The following PCDHA12 variants were observed in gnomAD, a reference collection of about 807,000 sequenced individuals.
PCDHA12 encodes the protein protocadherin alpha-12.
In PCDHA12, 44 loss-of-function variants were observed where a neutral mutation model predicts 60.0. The observed-to-expected ratio is 0.73, with a 90% CI of 0.58 to 0.94. PCDHA12 has a LOEUF of 0.94. PCDHA12 is among the 40% of genes least tolerant of loss of function. The pLI is 0.00. For synonymous variants in PCDHA12, 569 were observed against 553.0 expected, an observed-to-expected ratio of 1.03 and a Z score of -0.40; for missense variants, 1,276 against 1,239.7, an observed-to-expected ratio of 1.03 and a Z score of -0.44.
intron 1 of PCDHA12, among the ~76,000 whole-genome samples, chr5:140,903,073 T>C (rs1181656778): frequency 6.6e-6 from 1 of 152,196 alleles, no homozygotes; most frequent in Admixed American, 6.5e-5. Context: ...TTTGGGTAGA[T>C]ACCTGATAGT....
chr5:141,007,174 G>T (rs926344346), intron 3 of PCDHA12, among the ~76,000 whole-genome samples: 9 of 152,118 alleles, frequency 5.9e-5, no homozygotes, highest in African/African-American at 2.2e-4. Context: ...AGAGAGAAAG[G>T]TCAGGAGAAT....
intron 1 of PCDHA12, among the ~76,000 whole-genome samples, chr5:140,950,992 G>A (rs2094539287): frequency 6.6e-6 from 1 of 151,384 alleles, no homozygotes; most frequent in Admixed American, 6.6e-5. Flanking sequence ...GCCTCTTTTA[G>A]CTCCATTTTT....
In PCDHA12 at chr5:140,876,161, T is replaced by C. The variant is rs1582262337; in HGVS notation, c.689T>C (p.Ile230Thr). The change falls in exon 1 of 4, where the codon ATA (isoleucine) becomes ACA (threonine). Residue 230 changes from isoleucine to threonine, a missense_variant. Physicochemically the swap from Ile to Thr is moderately conservative, Grantham distance 89 (BLOSUM62 -1). Transcript: ENST00000398631. ...CTAACAGGGTCTGTCCAGATTCAAATAACCGTCCTGGATGTGAATGACAAT... is the reference window on the plus strand; with the variant it reads ...CTAACAGGGTCTGTCCAGATTCAAACAACCGTCCTGGATGTGAATGACAAT... ...PELTGSVQIQ[I>T]TVLDVNDNGP... 6.2e-7 allele frequency: 1 copy of C among 1,613,960 alleles called. No homozygotes were observed. Among genetic ancestry groups the C allele is most frequent in the Non-Finnish European group, 8.5e-7 (1 of 1,179,892 alleles).
At chr5:140,909,709 A>G (rs2153511702) in intron 1 of PCDHA12, among the ~76,000 whole-genome samples, 1 of 152,294 alleles carries the variant, frequency 6.6e-6, no homozygotes, top group Non-Finnish European at 1.5e-5. Context: ...GCTGCTAAGT[A>G]TACCTATGCC....
chr5:140,969,506 G>T, intron 1 of PCDHA12: 1 of 1,427,058 alleles, frequency 7.0e-7, no homozygotes, highest in Non-Finnish European at 9.3e-7. Flanking sequence ...TAGAAAAATA[G>T]CACTAAAGAA....
chr5:140,884,334 C>T (rs1405987385), intron 1 of PCDHA12: 1 of 1,613,746 alleles, frequency 6.2e-7, no homozygotes, highest in Non-Finnish European at 8.5e-7. Context: ...GCTGTGGGTC[C>T]AGAAGCGGCG....
chr5:140,945,409 T>C (rs945280530), intron 1 of PCDHA12, among the ~76,000 whole-genome samples: 4 of 152,116 alleles, frequency 2.6e-5, no homozygotes, highest in African/African-American at 9.7e-5. Flanking sequence ...ACAATTCGTA[T>C]CAAAATTTCA....
chr5:141,003,520 C>G (rs1171208921), intron 3 of PCDHA12, among the ~76,000 whole-genome samples: 2 of 152,244 alleles, frequency 1.3e-5, no homozygotes, highest in Middle Eastern at 3.4e-3. Flanking sequence ...ACCATGTTCC[C>G]TAGGCTGGTC....
intron 3 of PCDHA12, among the ~76,000 whole-genome samples, chr5:140,990,327 A>G (rs2097387817): frequency 1.3e-5 from 2 of 152,174 alleles, no homozygotes; most frequent in African/African-American, 4.8e-5. Flanking sequence ...AACAAACTTT[A>G]AAAATAAGTA....
At chr5:140,952,257 C>T (rs1224282193) in intron 1 of PCDHA12, among the ~76,000 whole-genome samples, 1 of 151,342 alleles carries the variant, frequency 6.6e-6, no homozygotes, top group Non-Finnish European at 1.5e-5. Flanking sequence ...GGTGGATTCC[C>T]ATTCTGGGGT....
chr5:140,876,729 G>C lies in PCDHA12; in HGVS notation c.1257G>C (p.Ser419=), dbSNP rs781841207. The C allele has an allele frequency of 3.1e-6, 5 of 1,614,102 alleles. No homozygotes were observed. The East Asian group carries it at 6.7e-5, about 22-fold the overall frequency. Residue 419 remains serine (S), a synonymous_variant, in exon 1 of 4, where the codon TCG becomes TCC. Transcript: ENST00000398631. The part of the protein sequence containing the change: ...LDSALDRESV[S]AYELVVTARD... ...GCGCCCTGGACCGCGAGAGCGTGTC[G>C]GCCTATGAGCTGGTGGTGACTGCGC...
intron 1 of PCDHA12, among the ~76,000 whole-genome samples, chr5:140,898,157 G>T (rs1455235992): frequency 2.6e-5 from 4 of 152,162 alleles, no homozygotes; most frequent in African/African-American, 7.2e-5. Flanking sequence ...CACGCTGATG[G>T]TGGTTTCTTT....
At chr5:140,883,324 C>A (rs782213205) in intron 1 of PCDHA12, 1 of 1,614,166 alleles carries the variant, frequency 6.2e-7, no homozygotes, top group Non-Finnish European at 8.5e-7. Context: ...AGGTTACCAT[C>A]ACTTCTTTGT....
chr5:140,983,588 C>G (rs530448589), intron 3 of PCDHA12, among the ~76,000 whole-genome samples: 1 of 152,152 alleles, frequency 6.6e-6, no homozygotes, highest in African/African-American at 2.4e-5. Context: ...TACATCTATT[C>G]TACATATGAG....
At position 140,936,850 on chromosome 5, in the gene PCDHA12, CTTCTCAGT is replaced by C. The variant is rs1421923207; in HGVS notation, c.2368-42094_2368-42087del. Among the ~76,000 whole-genome samples the C allele has an allele frequency of 3.1e-4, 47 of 152,208 alleles. 1 individual carries two copies. Among genetic ancestry groups the C allele is most frequent in the African/African-American group, 1.1e-3 (46 of 41,532 alleles). On this transcript the variant is annotated intron_variant, in intron 1 of 3. Coordinates refer to ENST00000398631, the MANE Select transcript of PCDHA12 (RefSeq NM_018903.4). ...ATTTCTATATAAATTGTAGATTCAG[CTTCTCAGT>C]TTCTATTTTAAAAAACCCTGCTTTG... is the stretch of plus-strand genomic sequence containing the variant.
intron 1 of PCDHA12, among the ~76,000 whole-genome samples, chr5:140,947,310 A>G (rs1554218156): frequency 6.6e-6 from 1 of 151,620 alleles, no homozygotes; most frequent in Admixed American, 6.6e-5. Flanking sequence ...ATCTTTGTAA[A>G]AAGTCGGTTG....
intron 1 of PCDHA12, among the ~76,000 whole-genome samples, chr5:140,900,728 C>A (rs2068258961): frequency 1.3e-5 from 2 of 152,188 alleles, no homozygotes; most frequent in Non-Finnish European, 2.9e-5. Flanking sequence ...TCCTACCTAG[C>A]AGTGGGATTT....
At chr5:140,995,424 A>G (rs868948138) in intron 3 of PCDHA12, among the ~76,000 whole-genome samples, 10 of 152,186 alleles carry the variant, frequency 6.6e-5, no homozygotes, top group South Asian at 2.1e-4. Flanking sequence ...ATTACTCAGA[A>G]CAGCTTGCAA....
intron 1 of PCDHA12, among the ~76,000 whole-genome samples, chr5:140,920,418 G>C (rs1355987486): frequency 6.6e-6 from 1 of 151,868 alleles, no homozygotes; most frequent in Non-Finnish European, 1.5e-5. Flanking sequence ...AGATACAGCT[G>C]TTCTCCCACA....
Sources: allele counts gnomAD v4.1 joint callset (sites outside exome capture counted in the v4.1 genomes callset), GRCh38; gene constraint gnomAD v4.1.1; transcripts MANE v1.5; gene names NCBI Gene and HGNC (gene_info 2026-07-23, HGNC 2026-07-21).